Variants in LRP1B observed in about 807,000 individuals in gnomAD.
LRP1B encodes LDL receptor related protein 1B.
In LRP1B, 217 loss-of-function variants were observed where a neutral mutation model predicts 556.6. The ratio of observed to expected loss-of-function variants is 0.39; its 90% CI spans 0.35 to 0.44. The LOEUF is 0.44. LRP1B is among the 20% of genes least tolerant of loss of function. The pLI is 1.00. For synonymous variants in LRP1B, 2,047 were observed against 1,865.8 expected (o/e 1.10, Z -2.50); for missense variants, 5,053 against 5,620.8 (o/e 0.90, Z 3.23).
At position 141,729,586 on chromosome 2, in the gene LRP1B, T is replaced by C. The variant is rs147249624; in HGVS notation, c.205+80693A>G. Among the ~76,000 whole-genome samples, 303 of 152,300 alleles carry C rather than the reference T, an allele frequency of 2.0e-3. 1 individual carries two copies. Among genetic ancestry groups the C allele is most frequent in the African/African-American group, 6.7e-3 (280 of 41,586 alleles). ...CAATATCATTTTCAAGGAAGTCTGATGGACAAGACGGTTTAAGGAAGAGAA... is the reference window on the plus strand; with the variant it reads ...CAATATCATTTTCAAGGAAGTCTGACGGACAAGACGGTTTAAGGAAGAGAA... On this transcript the variant is annotated intron_variant, in intron 2 of 90. Coordinates refer to ENST00000389484, the MANE Select transcript of LRP1B (RefSeq NM_018557.3).
intron 1 of LRP1B, among the ~76,000 whole-genome samples, chr2:141,929,095 C>T (rs764524871): frequency 1.3e-5 from 2 of 151,844 alleles, no homozygotes; most frequent in Admixed American, 6.6e-5. Flanking sequence ...TCAAAGCTAC[C>T]CAGAAGTTGA....
chr2:141,062,826 C>T (rs369728323), intron 7 of LRP1B, among the ~76,000 whole-genome samples: 1 of 151,782 alleles, frequency 6.6e-6, no homozygotes, highest in South Asian at 2.1e-4. Flanking sequence ...CAATTCCCCA[C>T]CAAAACTTAT....
chr2:140,596,281 G>A (rs1392341000), intron 43 of LRP1B, among the ~76,000 whole-genome samples: 1 of 152,092 alleles, frequency 6.6e-6, no homozygotes. Flanking sequence ...TTGACATAAT[G>A]GCGAAAACTA....
At chr2:140,402,168 C>G (rs35424079) in intron 66 of LRP1B, among the ~76,000 whole-genome samples, 17,150 of 152,144 alleles carry the variant, frequency 0.11, 1,083 homozygotes, top group African/African-American at 0.17. Context: ...AGGGTAGGTG[C>G]GGAGAACCAC....
At chr2:141,342,395 T>A (rs1282735371) in intron 3 of LRP1B, among the ~76,000 whole-genome samples, 1 of 152,064 alleles carries the variant, frequency 6.6e-6, no homozygotes, top group African/African-American at 2.4e-5. Flanking sequence ...ATCTTCAGAA[T>A]CAGTGTCAAT....
intron 31 of LRP1B, among the ~76,000 whole-genome samples, chr2:140,821,256 C>T (rs1002678436): frequency 1.3e-5 from 2 of 152,126 alleles, no homozygotes; most frequent in Admixed American, 6.5e-5. Context: ...TCCCCCGCAC[C>T]CCCAATTTAA....
At chr2:141,098,295 ATTAT>A (rs1209026376) in intron 7 of LRP1B, among the ~76,000 whole-genome samples, 1 of 152,220 alleles carries the variant, frequency 6.6e-6, no homozygotes, top group African/African-American at 2.4e-5. Flanking sequence ...AAAAATGGTT[ATTAT>A]TCAAATATCT....
At chr2:141,570,955 A>G (rs1282920195) in intron 2 of LRP1B, among the ~76,000 whole-genome samples, 1 of 151,326 alleles carries the variant, frequency 6.6e-6, no homozygotes, top group Non-Finnish European at 1.5e-5. Context: ...TCTGTGGACC[A>G]GCTGACTTAG....
intron 16 of LRP1B, 62 bp downstream of exon 16, chr2:140,993,933 T>C: frequency 6.6e-7 from 1 of 1,525,368 alleles, no homozygotes; most frequent in Non-Finnish European, 9.0e-7. Flanking sequence ...ACTGCCTTGA[T>C]AATTCACACA....
At chr2:140,713,781 T>G (rs1454059753) in intron 37 of LRP1B, among the ~76,000 whole-genome samples, 1 of 152,080 alleles carries the variant, frequency 6.6e-6, no homozygotes, top group Non-Finnish European at 1.5e-5. Context: ...AATCTTTAAT[T>G]ATTCTATTTC....
chr2:140,838,381 C>T (rs541304013), intron 31 of LRP1B, among the ~76,000 whole-genome samples: 5 of 152,164 alleles, frequency 3.3e-5, no homozygotes, highest in Non-Finnish European at 5.9e-5. Flanking sequence ...TTTCAATTTG[C>T]CTTTAATTTC....
At chr2:141,523,751 CAGA>C (rs149149060) in intron 2 of LRP1B, among the ~76,000 whole-genome samples, 1,967 of 152,180 alleles carry the variant, frequency 0.013, 49 homozygotes, top group African/African-American at 0.044. Context: ...CCCAGAAAAG[CAGA>C]AGGACACTTT....
intron 41 of LRP1B, among the ~76,000 whole-genome samples, chr2:140,679,202 C>A (rs968375483): frequency 4.6e-5 from 7 of 152,150 alleles, no homozygotes; most frequent in African/African-American, 1.7e-4. Flanking sequence ...AGATTAGAGT[C>A]CACCCATTAT....
At chr2:140,447,502 A>T (rs1324532699) in intron 63 of LRP1B, among the ~76,000 whole-genome samples, 1 of 152,130 alleles carries the variant, frequency 6.6e-6, no homozygotes, top group Non-Finnish European at 1.5e-5. Flanking sequence ...AAATTAAATA[A>T]GAGTTAGGTA....
chr2:141,525,122 AAC>A (rs1345943646), intron 2 of LRP1B, among the ~76,000 whole-genome samples: 1 of 152,106 alleles, frequency 6.6e-6, no homozygotes, highest in East Asian at 1.9e-4. Context: ...CTGGACAAAC[AAC>A]AGTTTCATCC....
rs932935199 is a variant in LRP1B at position 141,793,043 on chromosome 2, T to C, written c.205+17236A>G. Among the ~76,000 whole-genome samples the C allele has an allele frequency of 3.3e-5, 5 of 152,114 alleles. No individual in the cohort carries two copies. The South Asian group carries it at 1.0e-3, about 31-fold the overall frequency. On this transcript the variant is annotated intron_variant, in intron 2 of 90. Coordinates refer to ENST00000389484, the MANE Select transcript of LRP1B (RefSeq NM_018557.3). Reference sequence around the variant, plus strand: ...TTGTTAAAAAGGATAAATTACATTTTGGTTGACTCCTCTGCTTGTTACAGC... The same window carrying C: ...TTGTTAAAAAGGATAAATTACATTTCGGTTGACTCCTCTGCTTGTTACAGC...
At chr2:140,433,203 T>A (rs759251353) in intron 66 of LRP1B, among the ~76,000 whole-genome samples, 12 of 152,120 alleles carry the variant, frequency 7.9e-5, no homozygotes, top group Non-Finnish European at 1.3e-4. Flanking sequence ...GGTGCAACAA[T>A]TCTTCTGTCT....
chr2:140,818,122 A>G (rs1429334), intron 31 of LRP1B, among the ~76,000 whole-genome samples: 109,081 of 151,922 alleles, frequency 0.72, 42,029 homozygotes, highest in Non-Finnish European at 0.86. Flanking sequence ...GGCCTTTTAA[A>G]TTTTGCTGGA....
chr2:141,210,933 A>T (rs1682512788), intron 6 of LRP1B, among the ~76,000 whole-genome samples: 1 of 152,314 alleles, frequency 6.6e-6, no homozygotes, highest in East Asian at 1.9e-4. Context: ...CTAAACTAAC[A>T]ATAAAGACAA....
Sources: gnomAD v4.1 joint callset for allele counts (sites outside exome capture counted in the v4.1 genomes callset) on GRCh38, gnomAD v4.1.1 for gene constraint, MANE v1.5 for transcripts, NCBI Gene and HGNC (gene_info 2026-07-23, HGNC 2026-07-21) for gene names.